Variants in ZNF300 observed in about 807,000 individuals in gnomAD.
The protein encoded by ZNF300 is kruppel-like zinc finger protein.
Under a neutral mutation model 13.9 loss-of-function variants are expected in ZNF300, and 6 were observed. The ratio of observed to expected loss-of-function variants is 0.43; its 90% CI spans 0.24 to 0.85. The LOEUF is 0.85. ZNF300 is among the 40% of genes least tolerant of loss of function. The pLI is 0.25. For synonymous variants in ZNF300, 237 were observed against 242.2 expected (o/e 0.98, Z 0.20); for missense variants, 662 against 714.2 (o/e 0.93, Z 0.83).
chr5:150,897,044 A>G, intron 5 of ZNF300, 71 bp from the exon 6 acceptor site: 1 of 1,231,182 alleles, frequency 8.1e-7, no homozygotes. Context: ...AGTAGAACAA[A>G]TGGATGATCC....
At chr5:150,901,282 C>T (rs183860916) in intron 3 of ZNF300, among the ~76,000 whole-genome samples, 1 of 152,104 alleles carries the variant, frequency 6.6e-6, no homozygotes, top group African/African-American at 2.4e-5. Context: ...TTCTAGGAAC[C>T]ACATTCAAAA....
intron 3 of ZNF300, 115 bp downstream of exon 3, chr5:150,902,999 ATATTACCTAGAAACTCTTTCGAGGTCT>A: frequency 1.2e-6 from 1 of 840,970 alleles, no homozygotes; most frequent in Non-Finnish European, 1.9e-6. Context: ...GGTTTTTTAC[ATATTACCTAGAAACTCTTTCGAGGTCT>A]TGATCTTTGT....
intron 3 of ZNF300, among the ~76,000 whole-genome samples, chr5:150,902,722 C>G (rs1755031059): frequency 6.6e-6 from 1 of 152,116 alleles, no homozygotes; most frequent in Non-Finnish European, 1.5e-5. Flanking sequence ...TGATACATCC[C>G]CTCTAAAAAA....
At position 150,896,354 on chromosome 5, in the gene ZNF300, T is replaced by C; in HGVS notation, c.885A>G (p.Lys295=). 6.2e-7 allele frequency: 1 copy of C among 1,613,634 alleles called. No individual in the cohort carries two copies. Among genetic ancestry groups the C allele is most frequent in the Non-Finnish European group, 8.5e-7 (1 of 1,179,790 alleles). ...IVHQRIHTGK[K]PYDCGACGKA... ...TTCCGCATGCACCACAATCATATGG[T>C]TTCTTTCCAGTATGAATTCTTTGAT... Residue 295 remains lysine (K), a synonymous_variant, in exon 6 of 6, where the codon AAA becomes AAG. Coordinates refer to ENST00000274599, the MANE Select transcript of ZNF300 (RefSeq NM_052860.4).
rs772290891 is a variant in ZNF300, at chr5:150,903,216, T to C, written c.-27-34A>G. The stretch of plus-strand genomic sequence containing the variant: ...GCAAAACTGGTGATCAGAATGTTTT[T>C]CATAGTCCAAACCCAGACTGCAGCT... On this transcript the variant is annotated intron_variant, in intron 2 of 5. Transcript: ENST00000274599. 3.1e-6 allele frequency: 5 copies of C among 1,613,998 alleles called. No individual in the cohort carries two copies. The East Asian group carries it at 8.9e-5, about 29-fold the overall frequency.
At chr5:150,897,691 G>T in intron 5 of ZNF300, 1 of 213,348 alleles carries the variant, frequency 4.7e-6, no homozygotes, top group South Asian at 1.5e-4. Context: ...TCTCAAATAC[G>T]CTCACATCTC....
At chr5:150,903,287 A>G (rs1379886367) in intron 2 of ZNF300, 105 bp from the exon 3 acceptor site, 2 of 1,599,466 alleles carry the variant, frequency 1.3e-6, no homozygotes, top group Non-Finnish European at 1.7e-6. Flanking sequence ...AAGTCAAGTA[A>G]CTAATGGGCT....
chr5:150,903,395 T>A (rs936616644), intron 2 of ZNF300: 2 of 1,534,638 alleles, frequency 1.3e-6, no homozygotes, highest in Non-Finnish European at 1.8e-6. Context: ...TATAATATGA[T>A]CACATAGAAG....
chr5:150,903,289 T>C (rs1426550339), intron 2 of ZNF300, 107 bp from the exon 3 acceptor site: 2 of 1,597,110 alleles, frequency 1.3e-6, no homozygotes, highest in African/African-American at 2.7e-5. Flanking sequence ...GTCAAGTAAC[T>C]AATGGGCTAC....
intron 4 of ZNF300, 105 bp from the exon 5 acceptor site, chr5:150,898,289 C>T: frequency 6.3e-7 from 1 of 1,589,690 alleles, no homozygotes; most frequent in African/African-American, 1.3e-5. Flanking sequence ...TAGCCCTCAA[C>T]AAAGGCATAA....
chr5:150,897,986 G>T lies in ZNF300; in HGVS notation c.265+76C>A, dbSNP rs1418059574. 3 of 1,519,054 alleles carry T rather than the reference G, an allele frequency of 2.0e-6. No individual in the cohort carries two copies. The African/African-American group carries it at 4.2e-5, about 21-fold the overall frequency. 94.1% of individuals were successfully genotyped at this position (1,519,054 alleles called of 1,614,324 possible). Reference sequence around the variant, plus strand: ...TTCTCAGCATAGAAGCAAAGAATAGGAGATTTTGATAAGGATAGAAACATA... The same window carrying T: ...TTCTCAGCATAGAAGCAAAGAATAGTAGATTTTGATAAGGATAGAAACATA... On this transcript the variant is annotated intron_variant, in intron 5 of 5. Coordinates refer to ENST00000274599, the MANE Select transcript of ZNF300 (RefSeq NM_052860.4).
intron 3 of ZNF300, among the ~76,000 whole-genome samples, chr5:150,899,710 T>C (rs1446165644): frequency 6.6e-6 from 1 of 152,118 alleles, no homozygotes; most frequent in African/African-American, 2.4e-5. Flanking sequence ...AGAGTAGAGT[T>C]ATAAAATGTT....
At position 150,894,497 on chromosome 5, in the gene ZNF300, A is replaced by C. The variant is rs1754680655; in HGVS notation, c.*927T>G. 6.6e-6 allele frequency: 1 copy of C among 152,312 alleles called. No homozygotes were observed. The highest frequency in any genetic ancestry group is 2.4e-5 in the African/African-American group (1 of 41,456). 9.4% of individuals were successfully genotyped at this position (152,312 alleles called of 1,614,324 possible). A position where few individuals can be genotyped will look rare whatever the true frequency, so the allele number is the denominator to read the frequency against. ...TAGCAAAAATAAGGCCACCAGGATC[A>C]GAAGACAGTAAAATGAGCCACTTAT... On this transcript the variant is annotated 3_prime_UTR_variant, in exon 6 of 6. Transcript: ENST00000274599.
chr5:150,896,759 T>C lies in ZNF300; in HGVS notation c.480A>G (p.Ser160=). ...TCCCCAGTGGATTATATTTATGCCC[T>C]GATGCCTCAGTCACTGTTTTGCTGT... The part of the protein sequence containing the change: ...FVNSKTVTEA[S]GHKYNPLGKI... Residue 160 remains serine (S), a synonymous_variant, in exon 6 of 6, where the codon TCA becomes TCG. Transcript: ENST00000274599. 1.2e-6 allele frequency: 2 copies of C among 1,613,810 alleles called. No individual in the cohort carries two copies. Among genetic ancestry groups the C allele is most frequent in the Non-Finnish European group, 8.5e-7 (1 of 1,179,800 alleles).
rs1754702760 is a variant in ZNF300, at chr5:150,894,949, T to C, written c.*475A>G. 1 of 152,798 alleles carries C rather than the reference T, an allele frequency of 6.5e-6. No individual in the cohort carries two copies. The highest frequency in any genetic ancestry group is 2.4e-5 in the African/African-American group (1 of 41,474). 9.5% of individuals were successfully genotyped at this position (152,798 alleles called of 1,614,324 possible). On this transcript the variant is annotated 3_prime_UTR_variant, in exon 6 of 6. Coordinates refer to ENST00000274599, the MANE Select transcript of ZNF300 (RefSeq NM_052860.4). The stretch of plus-strand genomic sequence containing the variant: ...TGAATCTGATCAACCTATCATTCCA[T>C]TTTTTGTACAAGAACTTTACATGTA...
chr5:150,896,204 T>C lies in ZNF300; in HGVS notation c.1035A>G (p.Arg345=). 1 of 1,613,648 alleles carries C rather than the reference T, an allele frequency of 6.2e-7. No homozygotes were observed. Residue 345 remains arginine, a synonymous_variant, in exon 6 of 6, where the codon AGA becomes AGG. Transcript: ENST00000274599. ...CATAGGGTTTTTCCCCAGTGTGAAC[T>C]CTCTGATGTATAATAAGGGACGATT... ...SQKSSLIIHQ[R]VHTGEKPYEC... is the part of the protein sequence containing the mutation.
At position 150,896,268 on chromosome 5, in the gene ZNF300, G is replaced by C. The variant is rs1345714330; in HGVS notation, c.971C>G (p.Pro324Arg). Reference sequence around the variant, plus strand: ...TTTTCCACATTCAGAACAATCATAAGGTTTCTCCCCAGTATGAGTTCTCTG... The same window carrying C: ...TTTTCCACATTCAGAACAATCATAACGTTTCTCCCCAGTATGAGTTCTCTG... The part of the protein sequence containing the change: ...VHQRTHTGEK[P>R]YDCSECGKAF... Residue 324 changes from proline to arginine, a missense_variant, in exon 6 of 6, where the codon CCT becomes CGT. Coordinates refer to ENST00000274599, the MANE Select transcript of ZNF300 (RefSeq NM_052860.4). 2.5e-6 allele frequency: 4 copies of C among 1,613,686 alleles called. No homozygotes were observed. The highest frequency in any genetic ancestry group is 3.4e-6 in the Non-Finnish European group (4 of 1,179,816).
rs1754796697 is a variant in ZNF300, at chr5:150,896,674, C to CA, written c.564dup (p.Ala189CysfsTer3). 1.2e-6 allele frequency: 2 copies of CA among 1,613,350 alleles called. No homozygotes were observed. The highest frequency in any genetic ancestry group is 2.2e-5 in the South Asian group (2 of 91,062). On this transcript the variant is annotated frameshift_variant, in exon 6 of 6. Transcript: ENST00000274599. LOFTEE classifies it low-confidence loss of function (END_TRUNC). Reference sequence around the variant, plus strand: ...TTTGGTTTTAAGTTCTTTTTAAAAGCATCATATTTATGGAATCTCTGTATT... The same window carrying CA: ...TTTGGTTTTAAGTTCTTTTTAAAAGCAATCATATTTATGGAATCTCTGTATT...
In ZNF300 at chr5:150,896,527, C is replaced by T. The variant is rs766855152; in HGVS notation, c.712G>A (p.Val238Ile). Residue 238 changes from valine to isoleucine, a missense_variant, in exon 6 of 6, where the codon GTA becomes ATA. Physicochemically the swap from Val to Ile is conservative, Grantham distance 29 (BLOSUM62 3). Coordinates refer to ENST00000274599, the MANE Select transcript of ZNF300 (RefSeq NM_052860.4). The stretch of plus-strand genomic sequence containing the variant: ...CACTGATTATCATCAAAAGGTATTA[C>T]TCCATTGTGAATCTTCTCAAGATTA... The part of the protein sequence containing the change: ...NSNLEKIHNG[V>I]IPFDDNQCGN... 1.2e-5 allele frequency: 20 copies of T among 1,613,566 alleles called. No individual in the cohort carries two copies. Among genetic ancestry groups the T allele is most frequent in the Admixed American group, 1.7e-5 (1 of 59,890 alleles).
Sources: allele counts gnomAD v4.1 joint callset (sites outside exome capture counted in the v4.1 genomes callset), GRCh38; gene constraint gnomAD v4.1.1; transcripts MANE v1.5; gene names NCBI Gene and HGNC (gene_info 2026-07-23, HGNC 2026-07-21).